Variants in GPHN observed in about 807,000 individuals in gnomAD.
GPHN encodes gephyrin.
In GPHN, 17 loss-of-function variants were observed where a neutral mutation model predicts 95.5. That is an observed-to-expected ratio of 0.18 (90% CI 0.12 to 0.27). The LOEUF is 0.27. Among genes scored for constraint, GPHN ranks in the 10% least tolerant of loss-of-function variants. The pLI, the probability that GPHN is intolerant of heterozygous loss-of-function variation, is 1.00. For missense variants in GPHN, 660 were observed against 978.1 expected (o/e 0.67, Z 4.34); for synonymous variants, 320 against 322.5 (o/e 0.99, Z 0.08).
the GPHN span, among the ~76,000 whole-genome samples, chr14:67,466,065 T>C: frequency 6.6e-6 from 1 of 152,224 alleles, no homozygotes; most frequent in Non-Finnish European, 1.5e-5. Flanking sequence ...AGTTCCATTG[T>C]TTAGAGCTAC....
intron 3 of GPHN, among the ~76,000 whole-genome samples, chr14:66,789,644 A>T (rs1309658972): frequency 6.6e-6 from 1 of 152,170 alleles, no homozygotes; most frequent in African/African-American, 2.4e-5. Flanking sequence ...TGAATCCTGG[A>T]TCCCCAAAAG....
chr14:67,725,973 G>T, the GPHN span: 1 of 946,798 alleles, frequency 1.1e-6, no homozygotes, highest in Admixed American at 1.7e-5. Context: ...CAAAGGGAAA[G>T]GGCAATTATG....
the GPHN span, among the ~76,000 whole-genome samples, chr14:67,413,014 G>A: frequency 6.6e-6 from 1 of 152,110 alleles, no homozygotes; most frequent in East Asian, 1.9e-4. Context: ...CCTCCGGCCT[G>A]GGCTTCCCAA....
At chr14:66,820,183 T>C (rs889130955) in intron 3 of GPHN, among the ~76,000 whole-genome samples, 1 of 152,134 alleles carries the variant, frequency 6.6e-6, no homozygotes, top group Non-Finnish European at 1.5e-5. Context: ...TCTCCTTACC[T>C]TCCAATTTCT....
At chr14:67,570,228 A>G in the GPHN span, 1 of 419,566 alleles carries the variant, frequency 2.4e-6, no homozygotes, top group Non-Finnish European at 3.2e-6. Flanking sequence ...AACGTGGACA[A>G]GGTAAGAAGG....
chr14:66,869,963 T>C (rs1178389799), intron 4 of GPHN, among the ~76,000 whole-genome samples: 1 of 152,214 alleles, frequency 6.6e-6, no homozygotes, highest in Non-Finnish European at 1.5e-5. Context: ...CAACAAATAT[T>C]TGTTGAGCAC....
chr14:67,527,323 G>A, the GPHN span, among the ~76,000 whole-genome samples: 1,284 of 152,294 alleles, frequency 8.4e-3, 54 homozygotes, highest in Admixed American at 0.075. Context: ...TTCAGCTCCA[G>A]AGAATTGTGA....
intron 22 of GPHN, among the ~76,000 whole-genome samples, chr14:67,180,034 T>C (rs2083243670): frequency 6.6e-6 from 1 of 152,196 alleles, no homozygotes; most frequent in Admixed American, 6.5e-5. Flanking sequence ...CATCTTGAAA[T>C]GTGAGATGAA....
At chr14:67,339,303 C>T in the GPHN span, among the ~76,000 whole-genome samples, 3 of 151,902 alleles carry the variant, frequency 2.0e-5, no homozygotes, top group African/African-American at 4.8e-5. Flanking sequence ...AGCCTAGAAG[C>T]CTTTATTAGG....
the GPHN span, chr14:67,208,354 A>G: frequency 1.9e-6 from 3 of 1,614,028 alleles, no homozygotes; most frequent in Non-Finnish European, 2.5e-6. Context: ...CCCCAGTAGA[A>G]AGTGAGGCAA....
chr14:67,395,591 AAGAG>A, the GPHN span: 2 of 1,613,822 alleles, frequency 1.2e-6, no homozygotes, highest in Non-Finnish European at 1.7e-6. Flanking sequence ...GAGCTGTGGG[AAGAG>A]AGAGCCAGTC....
chr14:66,868,207 A>G (rs1221305195), intron 4 of GPHN, among the ~76,000 whole-genome samples: 1 of 152,190 alleles, frequency 6.6e-6, no homozygotes, highest in Non-Finnish European at 1.5e-5. Flanking sequence ...AGTAATTGTT[A>G]AGGAGGAAAT....
At chr14:67,573,331 G>A in the GPHN span, 1 of 1,613,782 alleles carries the variant, frequency 6.2e-7, no homozygotes, top group South Asian at 1.1e-5. This position sits in a 1 kb window ranked among gnomAD's most constrained non-coding sequence, Gnocchi z 4.8. Flanking sequence ...GTGAAGACGT[G>A]GAAGAGGCGC....
chr14:67,570,084 G>A, the GPHN span: 2 of 1,073,234 alleles, frequency 1.9e-6, no homozygotes, highest in Non-Finnish European at 2.8e-6. Context: ...CAATGACTGG[G>A]GCGGGGCTCT....
At chr14:67,169,858 C>T (rs1418984311) in intron 21 of GPHN, among the ~76,000 whole-genome samples, 1 of 152,196 alleles carries the variant, frequency 6.6e-6, no homozygotes, top group Non-Finnish European at 1.5e-5. Context: ...AGGTGGATCA[C>T]CTGAGGTCAG....
At chr14:66,667,009 C>A (rs2066001141) in intron 1 of GPHN, among the ~76,000 whole-genome samples, 2 of 152,052 alleles carry the variant, frequency 1.3e-5, no homozygotes, top group Admixed American at 6.6e-5. Context: ...CAAGTGAGAG[C>A]CAGATCATAA....
chr14:66,833,237 C>T (rs1402779186), intron 4 of GPHN, among the ~76,000 whole-genome samples: 1 of 152,104 alleles, frequency 6.6e-6, no homozygotes, highest in Non-Finnish European at 1.5e-5. Context: ...GCAAACACAT[C>T]CTTCTTCACA....
At chr14:66,908,480 G>A (rs2065496905) in intron 5 of GPHN, among the ~76,000 whole-genome samples, 1 of 152,060 alleles carries the variant, frequency 6.6e-6, no homozygotes, top group African/African-American at 2.4e-5. Context: ...TAATTCATGA[G>A]GGAGAAGAGA....
At chr14:66,633,618 T>G (rs912580906) in intron 1 of GPHN, among the ~76,000 whole-genome samples, 7 of 152,010 alleles carry the variant, frequency 4.6e-5, no homozygotes, top group Non-Finnish European at 8.8e-5. Flanking sequence ...TTTTAATGAT[T>G]TTTTGCTGTT....
Sources: allele counts gnomAD v4.1 joint callset (sites outside exome capture counted in the v4.1 genomes callset), GRCh38; gene constraint gnomAD v4.1.1; non-coding constraint Gnocchi (gnomAD v3.1); transcripts MANE v1.5; gene names NCBI Gene and HGNC (gene_info 2026-07-23, HGNC 2026-07-21).